Variants in CAB39L observed in about 807,000 individuals in gnomAD.
CAB39L encodes the protein calcium binding protein 39 like.
CAB39L carries 23 observed loss-of-function variants against 39.1 expected under a neutral mutation model. The ratio of observed to expected loss-of-function variants is 0.59; its 90% CI spans 0.42 to 0.83. CAB39L has a LOEUF of 0.83. Among genes scored for constraint, CAB39L ranks in the 40% least tolerant of loss-of-function variants. The pLI is 0.00. For synonymous variants in CAB39L, 126 were observed against 137.2 expected (o/e 0.92, Z 0.57); for missense variants, 366 against 391.9 (o/e 0.93, Z 0.56).
chr13:49,361,768 A>G (rs1319606604), intron 5 of CAB39L, among the ~76,000 whole-genome samples: 2 of 151,920 alleles, frequency 1.3e-5, no homozygotes, highest in African/African-American at 2.4e-5. Flanking sequence ...GAACTCTGTC[A>G]TTCTTTAAGA....
chr13:49,328,165 C>T (rs1954555940), intron 10 of CAB39L, among the ~76,000 whole-genome samples: 1 of 152,174 alleles, frequency 6.6e-6, no homozygotes, highest in East Asian at 1.9e-4. Context: ...TCCACAGCTT[C>T]AAGAGTTTAT....
intron 5 of CAB39L, among the ~76,000 whole-genome samples, chr13:49,372,660 T>C (rs1215399852): frequency 6.6e-6 from 1 of 152,138 alleles, no homozygotes; most frequent in African/African-American, 2.4e-5. Flanking sequence ...ACTTGTTTTT[T>C]GTTGTTGTTT....
At chr13:49,441,797 C>T (rs1473997975) in intron 1 of CAB39L, among the ~76,000 whole-genome samples, 3 of 152,044 alleles carry the variant, frequency 2.0e-5, no homozygotes, top group African/African-American at 7.2e-5. Flanking sequence ...CATCATACCT[C>T]ATATAAAGGC....
Position 49,433,365 on chromosome 13 carries a change from T to C in CAB39L, c.-79A>G. ...CAAATTTGTTTGAACCTTCTTAGCTTTCACCAAAGTCACTGATCACCACAG... is the reference window on the plus strand; with the variant it reads ...CAAATTTGTTTGAACCTTCTTAGCTCTCACCAAAGTCACTGATCACCACAG... On this transcript the variant is annotated 5_prime_UTR_variant, in exon 3 of 11. Coordinates refer to ENST00000409308, the MANE Select transcript of CAB39L (RefSeq NM_001079670.3). 6.6e-6 allele frequency: 3 copies of C among 455,224 alleles called. No individual in the cohort carries two copies. Among genetic ancestry groups the C allele is most frequent in the Non-Finnish European group, 1.3e-5 (3 of 226,584 alleles). The allele number at this position is 455,224 out of a possible 1,614,324, so 28.2% of individuals were successfully genotyped here.
chr13:49,443,802 G>A (rs1219341355), intron 1 of CAB39L, among the ~76,000 whole-genome samples, 184 bp downstream of exon 1: 2 of 152,028 alleles, frequency 1.3e-5, no homozygotes, highest in Non-Finnish European at 2.9e-5. Flanking sequence ...AGCCAGGGAT[G>A]AGACTCAGGC....
chr13:49,406,182 T>TTTTTTG (rs1956873371), intron 3 of CAB39L, among the ~76,000 whole-genome samples: 1 of 151,266 alleles, frequency 6.6e-6, no homozygotes. Context: ...TTTTTTTTTT[T>TTTTTTG]TTTGAGATGG....
chr13:49,398,223 C>A (rs1043122892), intron 3 of CAB39L, among the ~76,000 whole-genome samples: 1 of 152,032 alleles, frequency 6.6e-6, no homozygotes, highest in Non-Finnish European at 1.5e-5. Flanking sequence ...AAGTTTGAGA[C>A]ATTTAAGTCA....
chr13:49,352,331 C>T (rs1955379792), intron 6 of CAB39L, among the ~76,000 whole-genome samples: 1 of 151,844 alleles, frequency 6.6e-6, no homozygotes, highest in African/African-American at 2.4e-5. Context: ...AATGCTTAGC[C>T]CAAGTACAAC....
chr13:49,398,563 A>G (rs1428142574), intron 3 of CAB39L, among the ~76,000 whole-genome samples: 2 of 152,124 alleles, frequency 1.3e-5, no homozygotes, highest in African/African-American at 4.8e-5. Context: ...GATTTACAAT[A>G]GACTAAAGAA....
Position 49,377,022 on chromosome 13 carries a change from T to C in CAB39L, c.221A>G (p.Tyr74Cys). ...EAVAQLAQEL[Y>C]SSGLLVTLIA... ...CAGTGTCACTAGCAGGCCACTGCTG[T>C]AGAGTTCTTGTGCTAGCTGAGCCAC... Residue 74 changes from tyrosine to cysteine, a missense_variant, in exon 5 of 11, where the codon TAC becomes TGC. Transcript: ENST00000409308. The C allele has an allele frequency of 6.2e-7, 1 of 1,613,896 alleles. No homozygotes were observed. Among genetic ancestry groups the C allele is most frequent in the Non-Finnish European group, 8.5e-7 (1 of 1,179,796 alleles).
At chr13:49,396,097 C>CAAAAAA (rs58073071) in intron 3 of CAB39L, among the ~76,000 whole-genome samples, 7 of 123,514 alleles carry the variant, frequency 5.7e-5, no homozygotes, top group Non-Finnish European at 1.0e-4. Flanking sequence ...GACTCTGTCT[C>CAAAAAA]AAAAAAAAAA....
intron 5 of CAB39L, among the ~76,000 whole-genome samples, chr13:49,362,100 T>C (rs988630439): frequency 6.6e-6 from 1 of 151,834 alleles, no homozygotes; most frequent in Admixed American, 6.6e-5. Flanking sequence ...TTATAAAATG[T>C]ACAAATGTAA....
chr13:49,342,924 T>C (rs1307036458), intron 8 of CAB39L, among the ~76,000 whole-genome samples: 1 of 152,170 alleles, frequency 6.6e-6, no homozygotes, highest in Non-Finnish European at 1.5e-5. Flanking sequence ...AAAATAACAT[T>C]TTTCGTATGT....
intron 9 of CAB39L, among the ~76,000 whole-genome samples, chr13:49,333,534 C>T (rs1954765531): frequency 6.6e-6 from 1 of 151,488 alleles, no homozygotes; most frequent in Non-Finnish European, 1.5e-5. Context: ...CCGCTTCTTT[C>T]CTAAACTCTA....
At chr13:49,352,078 C>A (rs1481366989) in intron 6 of CAB39L, among the ~76,000 whole-genome samples, 1 of 152,010 alleles carries the variant, frequency 6.6e-6, no homozygotes, top group East Asian at 1.9e-4. Context: ...ATATGATTTG[C>A]ATGCAGTAGG....
intron 2 of CAB39L, among the ~76,000 whole-genome samples, chr13:49,433,868 C>A (rs1957366352): frequency 6.6e-6 from 1 of 152,166 alleles, no homozygotes; most frequent in East Asian, 1.9e-4. Flanking sequence ...CATAGAAGAG[C>A]ACTGAAGGGT....
chr13:49,440,515 T>G (rs1231910874), intron 1 of CAB39L, among the ~76,000 whole-genome samples: 1 of 151,918 alleles, frequency 6.6e-6, no homozygotes, highest in Non-Finnish European at 1.5e-5. Flanking sequence ...CAAAGTATAA[T>G]TTGAAACAAG....
intron 3 of CAB39L, among the ~76,000 whole-genome samples, chr13:49,396,106 A>AG (rs1319970040): frequency 6.6e-6 from 1 of 151,792 alleles, no homozygotes; most frequent in East Asian, 1.9e-4. Context: ...TCAAAAAAAA[A>AG]AACTTAAAAA....
At chr13:49,438,712 T>C (rs77279909) in intron 1 of CAB39L, among the ~76,000 whole-genome samples, 1,707 of 152,298 alleles carry the variant, frequency 0.011, 28 homozygotes, top group African/African-American at 0.038. Context: ...GCAAGAAGGG[T>C]TTATTTTTAA....
Sources: gnomAD v4.1 joint callset for allele counts (sites outside exome capture counted in the v4.1 genomes callset) on GRCh38, gnomAD v4.1.1 for gene constraint, MANE v1.5 for transcripts, NCBI Gene and HGNC (gene_info 2026-07-23, HGNC 2026-07-21) for gene names.